The following SYNM variants were observed in gnomAD, a reference collection of about 807,000 sequenced individuals.
SYNM encodes the protein desmuslin.
In SYNM, 95 loss-of-function variants were observed where a neutral mutation model predicts 104.0. The observed-to-expected ratio is 0.91, with a 90% CI of 0.77 to 1.08. SYNM has a LOEUF of 1.08. Among genes scored for constraint, SYNM ranks in the 50% least tolerant of loss-of-function variants. SYNM has a pLI of 0.00. For synonymous variants in SYNM, 918 were observed against 869.0 expected (o/e 1.06, Z -0.99); for missense variants, 2,150 against 2,052.2 (o/e 1.05, Z -0.92).
chr15:99,105,348 A>C lies in SYNM; in HGVS notation c.149A>C (p.Glu50Ala). Residue 50 changes from glutamate to alanine, a missense_variant, in exon 1 of 4, where the codon GAG (glutamate) becomes GCG (alanine). Coordinates refer to ENST00000336292, the MANE Select transcript of SYNM (RefSeq NM_145728.3). ...GAGCTGCGCGGCCGGCGCGGGCGAG[A>C]GGGCCTGTGGGCCGAGGGGCAGGCC... ...EEELRGRRGR[E>A]GLWAEGQARC... is the part of the protein sequence containing the mutation. 6.5e-7 allele frequency: 1 copy of C among 1,537,988 alleles called. No individual in the cohort carries two copies. Among genetic ancestry groups the C allele is most frequent in the Non-Finnish European group, 8.7e-7 (1 of 1,145,232 alleles).
At position 99,105,702 on chromosome 15, in the gene SYNM, C is replaced by A. The variant is rs1426768760; in HGVS notation, c.503C>A (p.Ala168Asp). ...GCCAGCCTTACCATGCATTTCCGCG[C>A]CCGCGCCACCGGCCCCGCCGCGCCG... ...RAASLTMHFR[A>D]RATGPAAPPP... Residue 168 changes from alanine (A) to aspartate (D), a missense_variant, in exon 1 of 4, where the codon GCC becomes GAC. Physicochemically the swap from Ala to Asp is moderately radical, Grantham distance 126. Coordinates refer to ENST00000336292, the MANE Select transcript of SYNM (RefSeq NM_145728.3). 104 of 1,487,188 alleles carry A rather than the reference C, an allele frequency of 7.0e-5. No individual in the cohort carries two copies. Among genetic ancestry groups the A allele is most frequent in the Non-Finnish European group, 8.8e-5 (99 of 1,124,290 alleles). 92.1% of individuals were successfully genotyped at this position (1,487,188 alleles called of 1,614,324 possible). A position where few individuals can be genotyped will look rare whatever the true frequency, so the allele number is the denominator to read the frequency against.
chr15:99,106,197 G>A (rs2067241662), intron 1 of SYNM, among the ~76,000 whole-genome samples, 188 bp downstream of exon 1: 1 of 152,200 alleles, frequency 6.6e-6, no homozygotes, highest in Admixed American at 6.5e-5. Context: ...GACTCAGCGG[G>A]CGAGCGCGGG....
At chr15:99,128,001 C>CTTCATTCG (rs1555485205) in intron 3 of SYNM, among the ~76,000 whole-genome samples, 1 of 151,030 alleles carries the variant, frequency 6.6e-6, no homozygotes, top group East Asian at 2.0e-4. Context: ...TGTTAACTTG[C>CTTCATTCG]TTCATTCATT....
intron 2 of SYNM, among the ~76,000 whole-genome samples, chr15:99,114,747 C>T (rs546507914): frequency 1.1e-4 from 17 of 149,034 alleles, no homozygotes; most frequent in South Asian, 1.1e-3. Context: ...TGCAGGCCGG[C>T]GGAACAGTGC....
chr15:99,129,363 A>T lies in SYNM; in HGVS notation c.1007-4A>T. ...TTAATGAATGCTTTGTTCAATTTCTACAGAATTCAGAAACAAATCCTATCA... is the reference window on the plus strand; with the variant it reads ...TTAATGAATGCTTTGTTCAATTTCTTCAGAATTCAGAAACAAATCCTATCA... On this transcript the variant is annotated splice_polypyrimidine_tract_variant and splice_region_variant and intron_variant, in intron 3 of 3. Coordinates refer to ENST00000336292, the MANE Select transcript of SYNM (RefSeq NM_145728.3). 1.2e-6 allele frequency: 2 copies of T among 1,608,188 alleles called. No individual in the cohort carries two copies. The highest frequency in any genetic ancestry group is 1.7e-6 in the Non-Finnish European group (2 of 1,175,734).
chr15:99,118,123 C>T (rs576782977), intron 2 of SYNM, among the ~76,000 whole-genome samples: 88 of 152,308 alleles, frequency 5.8e-4, no homozygotes, highest in Non-Finnish European at 1.1e-3. Flanking sequence ...CTCTGTGCTC[C>T]GGTATAGTCT....
rs1567285065 is a variant in SYNM, at chr15:99,131,831, C to T, written c.3471C>T (p.Asp1157=). ...AEVVEVSAGG[D]LSQAASPTGA... is the part of the protein sequence containing the mutation. ...TGGTGGAGGTAAGTGCGGGAGGTGA[C>T]CTAAGTCAGGCAGCGAGCCCGACCG... Residue 1157 remains aspartate, a synonymous_variant, in exon 4 of 4, where the codon GAC becomes GAT. Coordinates refer to ENST00000336292, the MANE Select transcript of SYNM (RefSeq NM_145728.3). The surrounding 1 kb of genome is among the most constrained non-coding windows in gnomAD (Gnocchi z 4.3). The T allele has an allele frequency of 6.2e-7, 1 of 1,613,866 alleles. No individual in the cohort carries two copies. Among genetic ancestry groups the T allele is most frequent in the South Asian group, 1.1e-5 (1 of 91,086 alleles).
chr15:99,123,813 G>A (rs782044546), intron 2 of SYNM, among the ~76,000 whole-genome samples: 36 of 152,266 alleles, frequency 2.4e-4, no homozygotes, highest in African/African-American at 6.0e-4. Context: ...GCTGCACAGA[G>A]CAGTGGCCTT....
chr15:99,105,310 A>C lies in SYNM; in HGVS notation c.111A>C (p.Leu37=), dbSNP rs770872839. 5.2e-5 allele frequency: 81 copies of C among 1,545,326 alleles called. No homozygotes were observed. The highest frequency in any genetic ancestry group is 3.4e-5 in the Non-Finnish European group (39 of 1,146,632). ...CRVRELEREN[L]LLEEELRGRR... is the part of the protein sequence containing the mutation. ...TGCGGGAGCTGGAGCGCGAAAACCT[A>C]CTCCTGGAGGAGGAGCTGCGCGGCC... The change falls in exon 1 of 4, where the codon CTA becomes CTC. Residue 37 remains leucine, a synonymous_variant. Coordinates refer to ENST00000336292, the MANE Select transcript of SYNM (RefSeq NM_145728.3).
Position 99,131,167 on chromosome 15 carries a change from C to T in SYNM, c.2807C>T (p.Ser936Phe). 1 of 1,605,226 alleles carries T rather than the reference C, an allele frequency of 6.2e-7. No homozygotes were observed. Among genetic ancestry groups the T allele is most frequent in the East Asian group, 2.2e-5 (1 of 44,572 alleles). Reference sequence around the variant, plus strand: ...AAAATACCCCACGAATTCCACACCTCCATGAAGGGCATCTCCTCCAAGGAG... The same window carrying T: ...AAAATACCCCACGAATTCCACACCTTCATGAAGGGCATCTCCTCCAAGGAG... The part of the protein sequence containing the change: ...EIKIPHEFHT[S>F]MKGISSKEPR... The change falls in exon 4 of 4, where the codon TCC becomes TTC. Residue 936 changes from serine to phenylalanine, a missense_variant. Physicochemically the swap from Ser to Phe is radical, Grantham distance 155 (BLOSUM62 -2). Transcript: ENST00000336292. This position sits in a 1 kb window ranked among gnomAD's most constrained non-coding sequence, Gnocchi z 4.3.
chr15:99,105,364 G>A lies in SYNM; in HGVS notation c.165G>A (p.Glu55=), dbSNP rs1555482374. 1 of 1,529,724 alleles carries A rather than the reference G, an allele frequency of 6.5e-7. No individual in the cohort carries two copies. The highest frequency in any genetic ancestry group is 1.4e-5 in the African/African-American group (1 of 71,448). 94.8% of individuals were successfully genotyped at this position (1,529,724 alleles called of 1,614,324 possible). A position where few individuals can be genotyped will look rare whatever the true frequency, so the allele number is the denominator to read the frequency against. Residue 55 remains glutamate (E), a synonymous_variant, in exon 1 of 4, where the codon GAG becomes GAA. Transcript: ENST00000336292. ...GCGGGCGAGAGGGCCTGTGGGCCGA[G>A]GGGCAGGCCCGCTGCGCCGAGGAGG... ...GRRGREGLWA[E]GQARCAEEAR...
chr15:99,105,344 C>T lies in SYNM; in HGVS notation c.145C>T (p.Arg49Ter), dbSNP rs1555482364. The change falls in exon 1 of 4, where the codon CGA becomes TGA. Residue 49 changes from arginine (R) to a stop codon, truncating the protein, a stop_gained. Transcript: ENST00000336292. LOFTEE classifies it high-confidence loss of function. ...GGAGGAGCTGCGCGGCCGGCGCGGGCGAGAGGGCCTGTGGGCCGAGGGGCA... is the reference window on the plus strand; with the variant it reads ...GGAGGAGCTGCGCGGCCGGCGCGGGTGAGAGGGCCTGTGGGCCGAGGGGCA... Reference protein sequence around the residue: ...LEEELRGRRGREGLWAEGQAR... With the variant: ...LEEELRGRRG 2 of 1,538,176 alleles carry T rather than the reference C, an allele frequency of 1.3e-6. No homozygotes were observed. The highest frequency in any genetic ancestry group is 1.7e-6 in the Non-Finnish European group (2 of 1,145,318).
chr15:99,121,260 G>A (rs2067398051), intron 2 of SYNM, among the ~76,000 whole-genome samples: 1 of 152,082 alleles, frequency 6.6e-6, no homozygotes, highest in Non-Finnish European at 1.5e-5. Flanking sequence ...GGCAGTCCCA[G>A]GGCCAGCACT....
In SYNM at chr15:99,106,019, C is replaced by A. The variant is rs1555482765; in HGVS notation, c.810+10C>A. The A allele has an allele frequency of 1.4e-6, 2 of 1,438,964 alleles. No homozygotes were observed. 89.1% of individuals were successfully genotyped at this position (1,438,964 alleles called of 1,614,324 possible). ...GGCCGAGGAGCGGCAGGTCCGTGCG[C>A]GGGGATGGCGCGCTGACCCCATACC... is the stretch of plus-strand genomic sequence containing the variant. On this transcript the variant is annotated intron_variant, in intron 1 of 3. Transcript: ENST00000336292.
At chr15:99,124,388 T>G (rs1482770819) in intron 2 of SYNM, among the ~76,000 whole-genome samples, 3 of 152,174 alleles carry the variant, frequency 2.0e-5, no homozygotes, top group Non-Finnish European at 4.4e-5. Context: ...AAGCATGAAC[T>G]CAATGGCCAG....
chr15:99,139,175 G>A (rs1555488698), downstream of SYNM: 1 of 1,036,230 alleles, frequency 9.7e-7, no homozygotes, highest in African/African-American at 1.6e-5. Flanking sequence ...GGTTTCAAAG[G>A]AACTTGTCCT....
chr15:99,139,903 G>C (rs1295193165), downstream of SYNM: 2 of 453,016 alleles, frequency 4.4e-6, no homozygotes, highest in Non-Finnish European at 7.3e-6. Context: ...GCTTTGGCTT[G>C]ATTTCTCCCT....
At chr15:99,123,006 A>T (rs1555484672) in intron 2 of SYNM, among the ~76,000 whole-genome samples, 1 of 151,988 alleles carries the variant, frequency 6.6e-6, no homozygotes, top group African/African-American at 2.4e-5. Context: ...TCTTTGGAGG[A>T]TGTAGAAGGA....
chr15:99,121,809 A>T (rs1042585665), intron 2 of SYNM, among the ~76,000 whole-genome samples: 3 of 152,190 alleles, frequency 2.0e-5, no homozygotes, highest in African/African-American at 7.2e-5. Flanking sequence ...AGGGGTAGAC[A>T]GTGCAGAAAC....
Sources: gnomAD v4.1 joint callset for allele counts (sites outside exome capture counted in the v4.1 genomes callset) on GRCh38, gnomAD v4.1.1 for gene constraint, Gnocchi (gnomAD v3.1) non-coding constraint, MANE v1.5 for transcripts, NCBI Gene and HGNC (gene_info 2026-07-23, HGNC 2026-07-21) for gene names.